MYO16: variants seen among roughly 807,000 people sequenced by gnomAD.
MYO16 encodes the protein unconventional myosin-XVI.
MYO16 carries 94 observed loss-of-function variants against 205.3 expected under a neutral mutation model. That is an observed-to-expected ratio of 0.46 (90% CI 0.39 to 0.54). The LOEUF (loss-of-function observed/expected upper bound fraction) is 0.54, where lower values mean the gene tolerates loss of function less well. Ranked by LOEUF, MYO16 falls within the 20% of genes least tolerant of loss-of-function variation. The probability of loss-of-function intolerance (pLI) is 0.00; values close to 1 mark genes in which losing one functional copy is unlikely to be tolerated. For missense variants in MYO16, 2,315 were observed against 2,387.5 expected, an observed-to-expected ratio of 0.97 and a Z score of 0.63; for synonymous variants, 988 against 954.0, an observed-to-expected ratio of 1.04 and a Z score of -0.66.
chr13:109,199,754 TG>T (rs1399605593), intron 34 of MYO16, among the ~76,000 whole-genome samples: 1 of 152,240 alleles, frequency 6.6e-6, no homozygotes, highest in African/African-American at 2.4e-5. Context: ...TAAAGCTTTT[TG>T]TTACAAAATC....
chr13:108,920,291 T>G (rs2095965006), intron 16 of MYO16, among the ~76,000 whole-genome samples: 1 of 149,790 alleles, frequency 6.7e-6, no homozygotes, highest in Non-Finnish European at 1.5e-5. Flanking sequence ...TTTCTCTTTC[T>G]CTTTCTTTCT....
At chr13:108,987,954 G>A (rs61970160) in intron 20 of MYO16, among the ~76,000 whole-genome samples, 51,585 of 151,926 alleles carry the variant, frequency 0.34, 9,219 homozygotes, top group East Asian at 0.66. Flanking sequence ...ATGTCTTGGC[G>A]TTTAATATTT....
At chr13:109,124,632 C>T (rs1174512986) in intron 29 of MYO16, among the ~76,000 whole-genome samples, 1 of 152,164 alleles carries the variant, frequency 6.6e-6, no homozygotes, top group Non-Finnish European at 1.5e-5. Flanking sequence ...AATCTTTTTC[C>T]AGAGTCTTAA....
intron 34 of MYO16, among the ~76,000 whole-genome samples, chr13:109,195,595 G>A (rs907661223): frequency 2.6e-5 from 4 of 151,998 alleles, no homozygotes; most frequent in Non-Finnish European, 4.4e-5. Context: ...GTAGAAATGC[G>A]ATTTGCATTT....
At chr13:108,902,581 C>T (rs758202026) in intron 15 of MYO16, among the ~76,000 whole-genome samples, 55 of 152,212 alleles carry the variant, frequency 3.6e-4, no homozygotes, top group Non-Finnish European at 6.9e-4. Flanking sequence ...TGTCTGTAGA[C>T]GCACGAGCTC....
intron 4 of MYO16, among the ~76,000 whole-genome samples, chr13:108,728,773 C>T (rs1884424886): frequency 6.6e-6 from 1 of 151,780 alleles, no homozygotes; most frequent in Admixed American, 6.6e-5. Flanking sequence ...GACCTTATTC[C>T]CCAATAAGAT....
intron 4 of MYO16, among the ~76,000 whole-genome samples, chr13:108,733,543 G>C (rs1884591806): frequency 6.6e-6 from 1 of 151,976 alleles, no homozygotes; most frequent in African/African-American, 2.4e-5. Context: ...AATTCATTCA[G>C]AGCTAAGAGT....
rs981106865 is a variant in MYO16 at position 109,069,394 on chromosome 13, T to C, written c.3335+13799T>C. Among the ~76,000 whole-genome samples the C allele has an allele frequency of 2.0e-5, 3 of 152,206 alleles. No individual in the cohort carries two copies. The South Asian group carries it at 6.2e-4, about 31-fold the overall frequency. Reference sequence around the variant, plus strand: ...GCTAAAGAGGTTCCAGACATCTTGGTAGAGCTGAGACACTTCAGCATTGTA... The same window carrying C: ...GCTAAAGAGGTTCCAGACATCTTGGCAGAGCTGAGACACTTCAGCATTGTA... On this transcript the variant is annotated intron_variant, in intron 27 of 34. Transcript: ENST00000457511.
At chr13:108,788,198 C>T (rs886987328) in intron 5 of MYO16, among the ~76,000 whole-genome samples, 2 of 152,120 alleles carry the variant, frequency 1.3e-5, no homozygotes, top group African/African-American at 2.4e-5. Context: ...GAGGCTGCAA[C>T]GTCTTGAACA....
chr13:108,849,886 CTT>C (rs71204888), intron 10 of MYO16, among the ~76,000 whole-genome samples: 8 of 114,076 alleles, frequency 7.0e-5, no homozygotes, highest in Non-Finnish European at 9.2e-5. Flanking sequence ...TGAATTTCCT[CTT>C]TTTTTTTTTT....
intron 9 of MYO16, among the ~76,000 whole-genome samples, chr13:108,831,362 A>G (rs1251665105): frequency 6.6e-6 from 1 of 152,206 alleles, no homozygotes; most frequent in Non-Finnish European, 1.5e-5. Context: ...TGCTAAATCT[A>G]GCAAGCCTTT....
intron 9 of MYO16, among the ~76,000 whole-genome samples, chr13:108,837,340 A>C (rs1436636300): frequency 6.6e-6 from 1 of 152,138 alleles, no homozygotes; most frequent in Non-Finnish European, 1.5e-5. Flanking sequence ...TCTTTCCTTT[A>C]TAAATACTCA....
At chr13:108,602,496 A>G (rs1361776625) in intron 1 of MYO16, among the ~76,000 whole-genome samples, 3 of 152,314 alleles carry the variant, frequency 2.0e-5, no homozygotes, top group South Asian at 2.1e-4. Flanking sequence ...TTCTTCTTCC[A>G]AGGGAATTTT....
chr13:108,501,998 G>C, the MYO16 span, among the ~76,000 whole-genome samples: 8 of 152,134 alleles, frequency 5.3e-5, no homozygotes, highest in African/African-American at 1.9e-4. Flanking sequence ...CGGATCACGA[G>C]GTCAGGAGAT....
At position 109,071,902 on chromosome 13, in the gene MYO16, GCTAAGACCAA is replaced by G. The variant is rs769787973; in HGVS notation, c.3335+16308_3335+16317del. ...TTTTCTATGCCCAACACACTGCCTG[GCTAAGACCAA>G]TGTTAATGCCATAATCACCTTCCCA... On this transcript the variant is annotated intron_variant, in intron 27 of 34. Coordinates refer to ENST00000457511, the MANE Select transcript of MYO16 (RefSeq NM_001198950.3). 1.6e-4 allele frequency among the ~76,000 whole-genome samples: 25 copies of G among 152,222 alleles called. No homozygotes were observed. The South Asian group carries it at 1.9e-3, about 11-fold the overall frequency.
chr13:108,509,050 C>T, the MYO16 span, among the ~76,000 whole-genome samples: 5 of 152,196 alleles, frequency 3.3e-5, no homozygotes, highest in African/African-American at 1.2e-4. Flanking sequence ...CTGAGCTAAA[C>T]CAGGTTGCTT....
chr13:108,867,969 C>A (rs1435192993), intron 12 of MYO16, among the ~76,000 whole-genome samples: 1 of 152,064 alleles, frequency 6.6e-6, no homozygotes, highest in African/African-American at 2.4e-5. Flanking sequence ...TAGATTCACC[C>A]ATGTTTTTGT....
intron 7 of MYO16, among the ~76,000 whole-genome samples, chr13:108,808,364 T>C (rs755030353): frequency 6.6e-6 from 1 of 151,782 alleles, no homozygotes; most frequent in Non-Finnish European, 1.5e-5. Context: ...CAGGCTATAG[T>C]GCAGTGGTGT....
At chr13:108,847,506 C>T (rs1877583063) in intron 10 of MYO16, among the ~76,000 whole-genome samples, 1 of 152,140 alleles carries the variant, frequency 6.6e-6, no homozygotes, top group South Asian at 2.1e-4. Flanking sequence ...TTCCAAAACA[C>T]TTTTCAAAGC....
Sources: gnomAD v4.1 joint callset for allele counts (sites outside exome capture counted in the v4.1 genomes callset) on GRCh38, gnomAD v4.1.1 for gene constraint, MANE v1.5 for transcripts, NCBI Gene and HGNC (gene_info 2026-07-23, HGNC 2026-07-21) for gene names.